The following PSMA1 variants were observed in gnomAD, a reference collection of about 807,000 sequenced individuals.
PSMA1 encodes proteasome 20S subunit alpha 1.
In PSMA1, 3 loss-of-function variants were observed where a neutral mutation model predicts 38.4. That is an observed-to-expected ratio of 0.08 (90% confidence interval 0.04 to 0.20). The LOEUF is 0.20. Among genes scored for constraint, PSMA1 ranks in the 10% least tolerant of loss-of-function variants. The pLI, the probability that PSMA1 is intolerant of heterozygous loss-of-function variation, is 1.00. For missense variants in PSMA1, 227 were observed against 325.3 expected (o/e 0.70, Z 2.32); for synonymous variants, 101 against 107.1 (o/e 0.94, Z 0.35).
At chr11:14,556,657 T>G (rs1383948036) in intron 2 of PSMA1, among the ~76,000 whole-genome samples, 3 of 152,188 alleles carry the variant, frequency 2.0e-5, no homozygotes, top group Non-Finnish European at 4.4e-5. Context: ...TTTCTCTGCT[T>G]ACTCTTGAGA....
intron 1 of PSMA1, among the ~76,000 whole-genome samples, chr11:14,630,359 G>GGT (rs1852986328): frequency 6.6e-6 from 1 of 152,168 alleles, no homozygotes; most frequent in Non-Finnish European, 1.5e-5. Context: ...AATTTATTGA[G>GGT]AGTTTTTAGC....
intron 1 of PSMA1, chr11:14,519,351 T>C (rs1472971699): frequency 2.4e-6 from 1 of 414,376 alleles, no homozygotes; most frequent in Non-Finnish European, 4.6e-6. Flanking sequence ...TTTTTGCTTA[T>C]GCTGCTCCCT....
chr11:14,624,396 G>C (rs904105432), intron 1 of PSMA1, among the ~76,000 whole-genome samples: 1 of 152,124 alleles, frequency 6.6e-6, no homozygotes, highest in African/African-American at 2.4e-5. Context: ...ACCTCTATAT[G>C]GTACCATGTC....
intron 2 of PSMA1, among the ~76,000 whole-genome samples, chr11:14,596,818 G>A (rs938620820): frequency 6.6e-6 from 1 of 152,132 alleles, no homozygotes; most frequent in Non-Finnish European, 1.5e-5. Flanking sequence ...TCCCTGTCTT[G>A]TGCCAGTTTT....
At chr11:14,612,634 G>T (rs1267572712) in intron 1 of PSMA1, among the ~76,000 whole-genome samples, 1 of 152,118 alleles carries the variant, frequency 6.6e-6, no homozygotes, top group African/African-American at 2.4e-5. Flanking sequence ...GACATAGACT[G>T]TACCCTCTAG....
chr11:14,638,506 CCTCTCTCTCTCTCTCTCT>C (rs374243163), intron 1 of PSMA1, among the ~76,000 whole-genome samples: 5 of 31,914 alleles, frequency 1.6e-4, no homozygotes, highest in African/African-American at 3.7e-4. Context: ...GAGAAACACA[CCTCTCTCTCTCTCTCTCT>C]CTCTCTCTCT....
At chr11:14,520,245 C>T in intron 1 of PSMA1, 52 bp downstream of exon 1, 2 of 1,613,068 alleles carry the variant, frequency 1.2e-6, no homozygotes, top group Admixed American at 3.3e-5. Flanking sequence ...TCGTCATCCC[C>T]CAGTCACCAG....
intron 4 of PSMA1, among the ~76,000 whole-genome samples, chr11:14,515,587 CTT>C (rs757583497): frequency 5.4e-5 from 8 of 148,218 alleles, no homozygotes; most frequent in Non-Finnish European, 1.0e-4. Flanking sequence ...GAGTTTCGCT[CTT>C]GTTGCCCAGG....
At chr11:14,633,181 G>T in intron 1 of PSMA1, among the ~76,000 whole-genome samples, 1 of 151,780 alleles carries the variant, frequency 6.6e-6, no homozygotes, top group Non-Finnish European at 1.5e-5. Context: ...TGCTGGTGAG[G>T]AACTGCGTTC....
At chr11:14,579,165 C>T (rs1852253301) in intron 2 of PSMA1, among the ~76,000 whole-genome samples, 1 of 152,172 alleles carries the variant, frequency 6.6e-6, no homozygotes, top group Non-Finnish European at 1.5e-5. Flanking sequence ...TGCTACAAAC[C>T]TCGTGACTTA....
chr11:14,621,005 A>G (rs182582329), intron 1 of PSMA1, among the ~76,000 whole-genome samples: 38 of 152,306 alleles, frequency 2.5e-4, no homozygotes, highest in African/African-American at 9.1e-4. Flanking sequence ...TCTAATGAAG[A>G]GTAGGGGTGT....
At chr11:14,623,992 G>A (rs1852882024) in intron 1 of PSMA1, among the ~76,000 whole-genome samples, 1 of 152,074 alleles carries the variant, frequency 6.6e-6, no homozygotes. Flanking sequence ...CATAATCCAG[G>A]GGCTTAAAGA....
At chr11:14,591,837 G>T (rs2134188593) in intron 2 of PSMA1, among the ~76,000 whole-genome samples, 1 of 152,262 alleles carries the variant, frequency 6.6e-6, no homozygotes, top group African/African-American at 2.4e-5. Flanking sequence ...AAAGCAGGCT[G>T]CCCCAGCCAG....
intron 1 of PSMA1, among the ~76,000 whole-genome samples, chr11:14,638,277 G>A (rs935879251): frequency 6.6e-5 from 10 of 151,974 alleles, no homozygotes; most frequent in Admixed American, 2.0e-4. Flanking sequence ...TAACACACAC[G>A]AAGTCACATT....
At chr11:14,581,357 T>A (rs1368247278) in intron 2 of PSMA1, among the ~76,000 whole-genome samples, 1 of 152,188 alleles carries the variant, frequency 6.6e-6, no homozygotes, top group Non-Finnish European at 1.5e-5. Flanking sequence ...CAGTTAGGAA[T>A]CCAAGGTCTA....
chr11:14,580,729 C>T (rs1329216080), intron 2 of PSMA1, among the ~76,000 whole-genome samples: 1 of 152,152 alleles, frequency 6.6e-6, no homozygotes, highest in African/African-American at 2.4e-5. Context: ...AGATCTTAAG[C>T]CTGTCAGACT....
At chr11:14,622,302 T>G (rs1239629850) in intron 1 of PSMA1, among the ~76,000 whole-genome samples, 1 of 152,216 alleles carries the variant, frequency 6.6e-6, no homozygotes, top group African/African-American at 2.4e-5. Context: ...TTCCTGTGGG[T>G]TAGATAATAA....
intron 1 of PSMA1, among the ~76,000 whole-genome samples, chr11:14,519,502 T>C (rs543067794): frequency 1.3e-5 from 2 of 152,372 alleles, no homozygotes; most frequent in African/African-American, 4.8e-5. Flanking sequence ...CGTCCCTTTC[T>C]GTTTTTATGA....
At chr11:14,602,746 C>T (rs1207559969) in intron 2 of PSMA1, among the ~76,000 whole-genome samples, 1 of 152,098 alleles carries the variant, frequency 6.6e-6, no homozygotes, top group Non-Finnish European at 1.5e-5. Flanking sequence ...AAAGGCAGAA[C>T]CCAGCCTGCA....
Sources: allele counts gnomAD v4.1 joint callset (sites outside exome capture counted in the v4.1 genomes callset), GRCh38; gene constraint gnomAD v4.1.1; transcripts MANE v1.5; gene names NCBI Gene and HGNC (gene_info 2026-07-23, HGNC 2026-07-21).